RABGEF1: variants seen among roughly 807,000 people sequenced by gnomAD.
The protein encoded by RABGEF1 is rab5 GDP/GTP exchange factor.
Under a neutral mutation model 57.3 loss-of-function variants are expected in RABGEF1, and 26 were observed. The ratio of observed to expected loss-of-function variants is 0.45; its 90% confidence interval spans 0.33 to 0.63. The LOEUF is 0.63. Among genes scored for constraint, RABGEF1 ranks in the 20% least tolerant of loss-of-function variants. RABGEF1 has a pLI of 0.02. For missense variants in RABGEF1, 464 were observed against 607.6 expected, an observed-to-expected ratio of 0.76 and a Z score of 2.48; for synonymous variants, 185 against 210.7, an observed-to-expected ratio of 0.88 and a Z score of 1.06.
chr7:66,765,532 T>C (rs1805480533), intron 1 of RABGEF1, among the ~76,000 whole-genome samples: 1 of 152,108 alleles, frequency 6.6e-6, no homozygotes, highest in Non-Finnish European at 1.5e-5. Context: ...AATCTGAGGA[T>C]GGGCGTGCAC....
At chr7:66,678,699 G>A (rs1789483328), upstream of RABGEF1, among the ~76,000 whole-genome samples, 1 of 152,116 alleles carries the variant, frequency 6.6e-6, no homozygotes, top group South Asian at 2.1e-4. Context: ...TAGAGATGAG[G>A]TCTCACCATG....
intron 1 of RABGEF1, among the ~76,000 whole-genome samples, chr7:66,744,349 A>G (rs1181970541): frequency 1.3e-5 from 2 of 150,792 alleles, no homozygotes; most frequent in Non-Finnish European, 3.0e-5. Flanking sequence ...CCTGGGCAAA[A>G]TAGCAAGACT....
At chr7:66,799,194 G>A in intron 6 of RABGEF1, 129 bp from the exon 7 acceptor site, 1 of 635,430 alleles carries the variant, frequency 1.6e-6, no homozygotes, top group East Asian at 2.8e-5. Context: ...TACTTGCAGG[G>A]GTGATGTGTG....
At chr7:66,783,063 A>G (rs1370295353) in intron 3 of RABGEF1, among the ~76,000 whole-genome samples, 8 of 152,180 alleles carry the variant, frequency 5.3e-5, no homozygotes, top group Non-Finnish European at 1.2e-4. Context: ...GGGATAGTGT[A>G]GTGCATGTTT....
At chr7:66,738,007 GT>G (rs1439540334), upstream of RABGEF1, among the ~76,000 whole-genome samples, 2 of 119,490 alleles carry the variant, frequency 1.7e-5, no homozygotes, top group South Asian at 2.8e-4. Flanking sequence ...TCTTGGTTGT[GT>G]TTTTTGTTTT....
At chr7:66,721,157 G>A (rs1340884566) in intron 2 of RABGEF1, among the ~76,000 whole-genome samples, 1 of 152,166 alleles carries the variant, frequency 6.6e-6, no homozygotes, top group African/African-American at 2.4e-5. Context: ...GAGCTCAAGT[G>A]ATCTGCCGGC....
At chr7:66,771,808 T>G (rs1807220749) in intron 1 of RABGEF1, 75 bp from the exon 2 acceptor site, 1 of 1,130,592 alleles carries the variant, frequency 8.8e-7, no homozygotes, top group Non-Finnish European at 1.2e-6. Flanking sequence ...ATCACTCACT[T>G]TTTGTTCATA....
At chr7:66,678,564 C>CAAAAAAA (rs58309880), upstream of RABGEF1, among the ~76,000 whole-genome samples, 12 of 86,098 alleles carry the variant, frequency 1.4e-4, no homozygotes, top group African/African-American at 3.7e-4. Flanking sequence ...GAGTCCGTCT[C>CAAAAAAA]AAAAAAAAAA....
intron 2 of RABGEF1, among the ~76,000 whole-genome samples, chr7:66,720,024 C>T (rs1795825482): frequency 1.3e-5 from 2 of 151,944 alleles, no homozygotes; most frequent in East Asian, 1.9e-4. Context: ...AAGTGAAATG[C>T]GTCCCAGAAA....
At chr7:66,658,918 G>A in the RABGEF1 span, among the ~76,000 whole-genome samples, 6 of 151,898 alleles carry the variant, frequency 4.0e-5, no homozygotes, top group Admixed American at 2.0e-4. Flanking sequence ...TGTATTTTTA[G>A]CGGAGACGGG....
intron 1 of RABGEF1, among the ~76,000 whole-genome samples, chr7:66,762,485 G>A (rs539156881): frequency 1.3e-5 from 2 of 152,142 alleles, no homozygotes; most frequent in Non-Finnish European, 2.9e-5. Flanking sequence ...AGCTACTCAA[G>A]AGGCTGAGAC....
At chr7:66,661,522 G>A in the RABGEF1 span, among the ~76,000 whole-genome samples, 1 of 152,054 alleles carries the variant, frequency 6.6e-6, no homozygotes, top group South Asian at 2.1e-4. Context: ...AGCACTTTTG[G>A]AGTGCACTGC....
At chr7:66,743,596 G>T (rs1332950080) in intron 1 of RABGEF1, among the ~76,000 whole-genome samples, 1 of 152,014 alleles carries the variant, frequency 6.6e-6, no homozygotes, top group East Asian at 1.9e-4. Context: ...CCCCCTCCTG[G>T]GTTCACGCCA....
chr7:66,703,884 G>A (rs530524300), intron 1 of RABGEF1, among the ~76,000 whole-genome samples: 1 of 152,260 alleles, frequency 6.6e-6, no homozygotes, highest in East Asian at 1.9e-4. Context: ...ATTTTGATGG[G>A]TATTGCCATC....
intron 2 of RABGEF1, among the ~76,000 whole-genome samples, chr7:66,725,479 T>A (rs1796488840): frequency 6.6e-6 from 1 of 152,234 alleles, no homozygotes; most frequent in African/African-American, 2.4e-5. Context: ...CTTAGCATCA[T>A]GTGTTCAGAG....
rs770117410 is a variant in RABGEF1 at position 66,805,416 on chromosome 7, G to A, written c.1077+20G>A. On this transcript the variant is annotated intron_variant, in intron 8 of 8. Transcript: ENST00000284957. Reference sequence around the variant, plus strand: ...AATCTGGTGAGTAAGTGAGTTCTTGGTGTTGTGGAGAAGGACTAGGAAGGT... The same window carrying A: ...AATCTGGTGAGTAAGTGAGTTCTTGATGTTGTGGAGAAGGACTAGGAAGGT... The A allele has an allele frequency of 1.6e-5, 26 of 1,612,670 alleles. No homozygotes were observed. The highest frequency in any genetic ancestry group is 2.2e-5 in the Non-Finnish European group (26 of 1,179,186).
chr7:66,707,514 C>G (rs191764350), intron 1 of RABGEF1, among the ~76,000 whole-genome samples: 12 of 152,202 alleles, frequency 7.9e-5, no homozygotes, highest in African/African-American at 2.6e-4. Context: ...ATGGGGAAAC[C>G]CTGTCTCTAC....
rs186785881 is a variant in RABGEF1, at chr7:66,745,699, G to A, written c.-18+4907G>A. On this transcript the variant is annotated intron_variant, in intron 1 of 8. Coordinates refer to ENST00000284957, the MANE Select transcript of RABGEF1 (RefSeq NM_014504.3). The stretch of plus-strand genomic sequence containing the variant: ...CACAAGAATCTCTTGATCCCGGGAG[G>A]CGGAAATTGCAATGAGCCGAGATTG... 1.4e-3 allele frequency among the ~76,000 whole-genome samples: 216 copies of A among 151,788 alleles called. 1 individual carries two copies. Among genetic ancestry groups the A allele is most frequent in the Non-Finnish European group, 2.8e-3 (193 of 67,976 alleles).
intron 1 of RABGEF1, among the ~76,000 whole-genome samples, chr7:66,741,066 C>T (rs1357640550): frequency 1.3e-5 from 2 of 152,206 alleles, no homozygotes; most frequent in Non-Finnish European, 1.5e-5. Flanking sequence ...CCAGCGCCAG[C>T]CGAGCCCCGA....
Sources: gnomAD v4.1 joint callset for allele counts (sites outside exome capture counted in the v4.1 genomes callset) on GRCh38, gnomAD v4.1.1 for gene constraint, MANE v1.5 for transcripts, NCBI Gene and HGNC (gene_info 2026-07-23, HGNC 2026-07-21) for gene names.